Variants in NCR3LG1 observed in about 807,000 individuals in gnomAD.
The protein encoded by NCR3LG1 is natural cytotoxicity triggering receptor 3 ligand 1.
In NCR3LG1, 35 loss-of-function variants were observed where a neutral mutation model predicts 34.8. The ratio of observed to expected loss-of-function variants is 1.01; its 90% CI spans 0.77 to 1.33. The LOEUF (loss-of-function observed/expected upper bound fraction) is 1.33. NCR3LG1 is among the 40% of genes most tolerant of loss of function. NCR3LG1 has a pLI of 0.00. For synonymous variants in NCR3LG1, 173 were observed against 163.6 expected (o/e 1.06, Z -0.44); for missense variants, 452 against 423.3 (o/e 1.07, Z -0.60).
At chr11:17,378,699 G>A (rs1953496522), downstream of NCR3LG1, among the ~76,000 whole-genome samples, 1 of 152,178 alleles carries the variant, frequency 6.6e-6, no homozygotes, top group African/African-American at 2.4e-5. Context: ...GAGAAAGGAG[G>A]AAGGAAGAAA....
intron 2 of NCR3LG1, among the ~76,000 whole-genome samples, chr11:17,361,284 T>A (rs528475817): frequency 7.2e-6 from 1 of 138,142 alleles, no homozygotes; most frequent in Admixed American, 7.4e-5. Context: ...TTGGGAAAAA[T>A]TGACATTTTT....
chr11:17,358,835 A>G (rs1159935263), intron 2 of NCR3LG1, among the ~76,000 whole-genome samples: 1 of 151,740 alleles, frequency 6.6e-6, no homozygotes, highest in Admixed American at 6.6e-5. Context: ...TTTTTCTCAA[A>G]TTTTTCCAGC....
At chr11:17,355,937 A>G (rs1025031878) in intron 1 of NCR3LG1, among the ~76,000 whole-genome samples, 1 of 152,016 alleles carries the variant, frequency 6.6e-6, no homozygotes, top group Non-Finnish European at 1.5e-5. Context: ...AGCTGGGACT[A>G]CAAGTGCTAA....
At position 17,376,991 on chromosome 11, in the gene NCR3LG1, G is replaced by A. The variant is rs1953483202; in HGVS notation, c.*4479G>A. On this transcript the variant is annotated 3_prime_UTR_variant, in exon 5 of 5. Transcript: ENST00000338965. The stretch of plus-strand genomic sequence containing the variant: ...CCACCCTGACACATGGCACTATAAT[G>A]TAAAAAACAACACATAGGCCTTCCC... 6.6e-6 allele frequency: 1 copy of A among 152,062 alleles called. No individual in the cohort carries two copies. The highest frequency in any genetic ancestry group is 1.5e-5 in the Non-Finnish European group (1 of 68,006). The allele number at this position is 152,062 out of a possible 1,614,324, so 9.4% of individuals were successfully genotyped here. A position where few individuals can be genotyped will look rare whatever the true frequency, so the allele number is the denominator to read the frequency against.
At chr11:17,369,023 A>G in intron 4 of NCR3LG1, 59 bp downstream of exon 4, 1 of 1,138,232 alleles carries the variant, frequency 8.8e-7, no homozygotes, top group South Asian at 1.5e-5. Flanking sequence ...AAGCTTTTAG[A>G]GCAGCTGCTG....
intron 2 of NCR3LG1, among the ~76,000 whole-genome samples, chr11:17,358,973 G>T (rs1040939883): frequency 6.6e-6 from 1 of 152,036 alleles, no homozygotes. Flanking sequence ...TTCATATCAA[G>T]AATTTTGTTT....
intron 2 of NCR3LG1, among the ~76,000 whole-genome samples, chr11:17,364,036 A>T (rs938168310): frequency 6.6e-6 from 1 of 152,086 alleles, no homozygotes; most frequent in Non-Finnish European, 1.5e-5. Flanking sequence ...ATTCTCAGCC[A>T]TTATTTATTC....
rs1275114283 is a variant in NCR3LG1 at position 17,356,752 on chromosome 11, A to T, written c.172A>T (p.Ile58Phe). The change falls in exon 2 of 5, where the codon ATC (isoleucine) becomes TTC (phenylalanine). Residue 58 changes from isoleucine to phenylalanine, a missense_variant. Physicochemically the swap from Ile to Phe is conservative, Grantham distance 21 (BLOSUM62 0). Transcript: ENST00000338965. ...TATCTTTTATTCCCAACCCCTCAAC[A>T]TCACGTCTATGGGTATCACCTGGTT... ...CNIFYSQPLN[I>F]TSMGITWFWK... is the part of the protein sequence containing the mutation. The T allele has an allele frequency of 6.5e-7, 1 of 1,536,312 alleles. No homozygotes were observed. The highest frequency in any genetic ancestry group is 2.0e-5 in the Admixed American group (1 of 50,998).
intron 4 of NCR3LG1, among the ~76,000 whole-genome samples, chr11:17,371,249 CAG>C (rs898838562): frequency 6.6e-6 from 1 of 152,078 alleles, no homozygotes; most frequent in African/African-American, 2.4e-5. Flanking sequence ...AATTTGTAGT[CAG>C]AGTTTTTTCC....
rs1240751752 is a variant in NCR3LG1, at chr11:17,375,759, G to A, written c.*3247G>A. ...ACAGGCTAGCAGACCAAAGAGCTAA[G>A]TCAGCAGTAAGAAGGCCCCAAGGTC... On this transcript the variant is annotated 3_prime_UTR_variant, in exon 5 of 5. Coordinates refer to ENST00000338965, the MANE Select transcript of NCR3LG1 (RefSeq NM_001202439.3). The A allele has an allele frequency of 6.6e-6, 1 of 152,206 alleles. No individual in the cohort carries two copies. The highest frequency in any genetic ancestry group is 1.5e-5 in the Non-Finnish European group (1 of 68,052). The allele number at this position is 152,206 out of a possible 1,614,324, so 9.4% of individuals were successfully genotyped here. A position where few individuals can be genotyped will look rare whatever the true frequency, so the allele number is the denominator to read the frequency against.
At chr11:17,381,227 A>G (rs1953511690), downstream of NCR3LG1, 1 of 152,260 alleles carries the variant, frequency 6.6e-6, no homozygotes, top group Non-Finnish European at 1.5e-5. Flanking sequence ...CCAAACGGAC[A>G]CAAGGAGGGA....
intron 3 of NCR3LG1, among the ~76,000 whole-genome samples, chr11:17,368,313 C>T (rs1953369901): frequency 6.6e-6 from 1 of 152,050 alleles, no homozygotes; most frequent in African/African-American, 2.4e-5. Context: ...GTGGGTGGCT[C>T]TGCTGGTAAA....
At position 17,372,502 on chromosome 11, in the gene NCR3LG1, C is replaced by T; in HGVS notation, c.1355C>T (p.Pro452Leu). The stretch of plus-strand genomic sequence containing the variant: ...TCCCAACCCCCAACTTTACTGTTAC[C>T]CCTACAGTAAATGCCTGATGGACCT... Reference protein sequence around the residue: ...LSSQPPTLLLPLQ With the variant: ...LSSQPPTLLLLLQ The change falls in exon 5 of 5, where the codon CCC becomes CTC. Residue 452 changes from proline to leucine, a missense_variant. By Grantham distance (98) the Pro-to-Leu change is moderately conservative. Coordinates refer to ENST00000338965, the MANE Select transcript of NCR3LG1 (RefSeq NM_001202439.3). 1.4e-6 allele frequency: 1 copy of T among 698,458 alleles called. No individual in the cohort carries two copies. The highest frequency in any genetic ancestry group is 2.6e-6 in the Non-Finnish European group (1 of 382,104). The allele number at this position is 698,458 out of a possible 1,614,324, so 43.3% of individuals were successfully genotyped here. A position where few individuals can be genotyped will look rare whatever the true frequency, so the allele number is the denominator to read the frequency against.
At position 17,375,188 on chromosome 11, in the gene NCR3LG1, G is replaced by C. The variant is rs1953461845; in HGVS notation, c.*2676G>C. ...CCTCAAGTATCAGACTTTGCTGCTA[G>C]AGGAATCTGCAGTCCAGTTAAAAAC... On this transcript the variant is annotated 3_prime_UTR_variant, in exon 5 of 5. Coordinates refer to ENST00000338965, the MANE Select transcript of NCR3LG1 (RefSeq NM_001202439.3). 1 of 152,220 alleles carries C rather than the reference G, an allele frequency of 6.6e-6. No individual in the cohort carries two copies. The highest frequency in any genetic ancestry group is 1.5e-5 in the Non-Finnish European group (1 of 68,046). 9.4% of individuals were successfully genotyped at this position (152,220 alleles called of 1,614,324 possible).
chr11:17,356,944 T>C lies in NCR3LG1; in HGVS notation c.364T>C (p.Cys122Arg), dbSNP rs1225331213. 36 of 1,535,764 alleles carry C rather than the reference T, an allele frequency of 2.3e-5. No homozygotes were observed. The South Asian group carries it at 3.5e-4, about 15-fold the overall frequency. Residue 122 changes from cysteine (C) to arginine (R), a missense_variant, in exon 2 of 5, where the codon TGT becomes CGT. Physicochemically the swap from Cys to Arg is radical, Grantham distance 180 (BLOSUM62 -3). Transcript: ENST00000338965. ...GCTGGAGGAAGCAGGAGAGTACCGA[T>C]GTGAGGTGGTGGTCACCCCTCTGAA... ...IQLEEAGEYRCEVVVTPLKAQ... is the reference protein window; with the variant it reads ...IQLEEAGEYRREVVVTPLKAQ...
chr11:17,362,756 CTTT>C (rs1564856520), intron 2 of NCR3LG1, among the ~76,000 whole-genome samples: 107 of 116,676 alleles, frequency 9.2e-4, no homozygotes, highest in East Asian at 5.3e-3. Context: ...TTCTTTCTTT[CTTT>C]CTTTCTTTCC....
chr11:17,376,238 G>T lies in NCR3LG1; in HGVS notation c.*3726G>T, dbSNP rs1953475345. On this transcript the variant is annotated 3_prime_UTR_variant, in exon 5 of 5. Coordinates refer to ENST00000338965, the MANE Select transcript of NCR3LG1 (RefSeq NM_001202439.3). ...TGTGGGTGCATACCTTCATTAACTG[G>T]GTAGAGGCATTCCCATGCCCAACAG... 1 of 152,120 alleles carries T rather than the reference G, an allele frequency of 6.6e-6. No individual in the cohort carries two copies. The highest frequency in any genetic ancestry group is 1.5e-5 in the Non-Finnish European group (1 of 68,030). 9.4% of individuals were successfully genotyped at this position (152,120 alleles called of 1,614,324 possible). A position where few individuals can be genotyped will look rare whatever the true frequency, so the allele number is the denominator to read the frequency against.
chr11:17,381,005 G>A (rs564040734), downstream of NCR3LG1: 1 of 152,256 alleles, frequency 6.6e-6, no homozygotes, highest in East Asian at 1.9e-4. Flanking sequence ...TAATTTCCAA[G>A]ATCCTATCAA....
chr11:17,353,602 TC>T (rs2139724093), intron 1 of NCR3LG1, among the ~76,000 whole-genome samples: 1 of 152,346 alleles, frequency 6.6e-6, no homozygotes, highest in East Asian at 1.9e-4. Flanking sequence ...CCCGCCACTT[TC>T]GTCCGGTCTC....
Sources: gnomAD v4.1 joint callset for allele counts (sites outside exome capture counted in the v4.1 genomes callset) on GRCh38, gnomAD v4.1.1 for gene constraint, MANE v1.5 for transcripts, NCBI Gene and HGNC (gene_info 2026-07-23, HGNC 2026-07-21) for gene names.